The following PTPRD variants were observed in gnomAD, a reference collection of about 807,000 sequenced individuals.
PTPRD encodes receptor-type tyrosine-protein phosphatase delta.
Under a neutral mutation model 214.5 loss-of-function variants are expected in PTPRD, and 34 were observed. That is an observed-to-expected ratio of 0.16 (90% CI 0.12 to 0.21). PTPRD has a LOEUF of 0.21. Among genes scored for constraint, PTPRD ranks in the 10% least tolerant of loss-of-function variants. The probability of loss-of-function intolerance (pLI) is 1.00; values close to 1 mark genes in which losing one functional copy is unlikely to be tolerated. For synonymous variants in PTPRD, 1,128 were observed against 845.7 expected (o/e 1.33, Z -5.79); for missense variants, 2,545 against 2,398.7 (o/e 1.06, Z -1.27).
chr9:10,277,993 T>A (rs192556080), intron 3 of PTPRD, among the ~76,000 whole-genome samples: 2 of 152,084 alleles, frequency 1.3e-5, no homozygotes, highest in Non-Finnish European at 2.9e-5. Context: ...ACCCTGTCTC[T>A]ACTAAAAATA....
chr9:8,713,602 C>T (rs1329908329), intron 12 of PTPRD: 2 of 1,528,200 alleles, frequency 1.3e-6, no homozygotes, highest in Admixed American at 1.7e-5. Flanking sequence ...CCGGGAATAC[C>T]GGGACCTGAC....
intron 8 of PTPRD, among the ~76,000 whole-genome samples, chr9:9,565,940 A>AT (rs1376971180): frequency 2.0e-5 from 3 of 151,894 alleles, no homozygotes; most frequent in Admixed American, 6.6e-5. Flanking sequence ...CTATAATTTC[A>AT]TTTTTTTACT....
chr9:8,694,340 A>G (rs1430295301), intron 12 of PTPRD, among the ~76,000 whole-genome samples: 1 of 152,122 alleles, frequency 6.6e-6, no homozygotes, highest in Non-Finnish European at 1.5e-5. Flanking sequence ...GAATCCATAG[A>G]GGTATCCAAT....
intron 2 of PTPRD, among the ~76,000 whole-genome samples, chr9:10,434,618 CAG>C (rs1445677804): frequency 6.6e-6 from 1 of 151,826 alleles, no homozygotes; most frequent in Non-Finnish European, 1.5e-5. Flanking sequence ...TAAAGGCTAA[CAG>C]AGTCACAACA....
At chr9:10,603,500 G>C (rs1272491911) in intron 2 of PTPRD, among the ~76,000 whole-genome samples, 2 of 151,786 alleles carry the variant, frequency 1.3e-5, no homozygotes, top group East Asian at 3.9e-4. Flanking sequence ...GATAACTGTA[G>C]CATTTACCTT....
intron 5 of PTPRD, among the ~76,000 whole-genome samples, chr9:9,877,379 C>A (rs1005800757): frequency 2.6e-5 from 4 of 152,062 alleles, no homozygotes; most frequent in African/African-American, 9.7e-5. Flanking sequence ...GCAAAGACTT[C>A]AAGCCACTTT....
chr9:8,705,315 G>T (rs957867460), intron 12 of PTPRD, among the ~76,000 whole-genome samples: 52 of 152,268 alleles, frequency 3.4e-4, no homozygotes, highest in African/African-American at 1.2e-3. Flanking sequence ...CCGCCTCTGG[G>T]ATTCTGTGAT....
chr9:10,433,221 T>C (rs746304469), intron 2 of PTPRD, among the ~76,000 whole-genome samples: 21 of 152,068 alleles, frequency 1.4e-4, no homozygotes, highest in Non-Finnish European at 2.6e-4. Flanking sequence ...CTTTTATCTA[T>C]TTCTGTAAAT....
At chr9:10,184,557 G>A (rs183281224) in intron 3 of PTPRD, among the ~76,000 whole-genome samples, 1 of 152,322 alleles carries the variant, frequency 6.6e-6, no homozygotes, top group African/African-American at 2.4e-5. Flanking sequence ...TATAGTATGT[G>A]TTTGGTAAAC....
At chr9:9,505,860 G>T (rs982284655) in intron 8 of PTPRD, among the ~76,000 whole-genome samples, 6 of 150,956 alleles carry the variant, frequency 4.0e-5, no homozygotes, top group Non-Finnish European at 5.9e-5. Flanking sequence ...TTCTAACATG[G>T]GACATTACAA....
At chr9:10,530,719 T>C (rs537325746) in intron 2 of PTPRD, among the ~76,000 whole-genome samples, 1 of 152,202 alleles carries the variant, frequency 6.6e-6, no homozygotes, top group South Asian at 2.1e-4. Flanking sequence ...TTAGGAAATC[T>C]GACAATCAAA....
Position 9,845,114 on chromosome 9 carries a change from ATTGCTC to A in PTPRD, c.-367-78269_-367-78264del, listed in dbSNP as rs1251722568. Among the ~76,000 whole-genome samples the A allele has an allele frequency of 1.0e-3, 92 of 89,502 alleles. 5 individuals carry two copies. The highest frequency in any genetic ancestry group is 3.3e-3 in the East Asian group (2 of 598). 58.7% of individuals were successfully genotyped at this position (89,502 alleles called of 152,430 possible). A position where few individuals can be genotyped will look rare whatever the true frequency, so the allele number is the denominator to read the frequency against. On this transcript the variant is annotated intron_variant, in intron 5 of 45. Transcript: ENST00000381196. The stretch of plus-strand genomic sequence containing the variant: ...TAGCTATATATATACTGCTATATAT[ATTGCTC>A]TATATATAGAGCAATATATATATAT...
intron 7 of PTPRD, among the ~76,000 whole-genome samples, chr9:9,602,415 G>C (rs1014600834): frequency 5.9e-5 from 9 of 151,852 alleles, no homozygotes; most frequent in Admixed American, 5.9e-4. Context: ...TTTCTACAAT[G>C]TGTTAAGTAC....
intron 3 of PTPRD, among the ~76,000 whole-genome samples, chr9:10,119,990 C>T (rs1052171722): frequency 2.0e-5 from 3 of 151,976 alleles, no homozygotes; most frequent in Non-Finnish European, 4.4e-5. Flanking sequence ...GTACAAGCTA[C>T]ATAAATTGGA....
chr9:8,885,410 G>A (rs907021092), intron 11 of PTPRD, among the ~76,000 whole-genome samples: 1 of 150,344 alleles, frequency 6.7e-6, no homozygotes, highest in Non-Finnish European at 1.5e-5. Flanking sequence ...AATGCCACAA[G>A]TAAAGGACAG....
At chr9:9,886,595 C>G (rs1444736699) in intron 5 of PTPRD, among the ~76,000 whole-genome samples, 5 of 152,118 alleles carry the variant, frequency 3.3e-5, no homozygotes, top group East Asian at 3.9e-4. Flanking sequence ...ACAATGTGAT[C>G]TTGACAGTTC....
At chr9:8,697,648 C>G (rs1385212430) in intron 12 of PTPRD, among the ~76,000 whole-genome samples, 1 of 140,700 alleles carries the variant, frequency 7.1e-6, no homozygotes, top group African/African-American at 2.8e-5. Flanking sequence ...GTCTCGAACT[C>G]CTGACCTCAA....
At chr9:10,222,666 T>A (rs2099575168) in intron 3 of PTPRD, among the ~76,000 whole-genome samples, 2 of 152,070 alleles carry the variant, frequency 1.3e-5, no homozygotes, top group Admixed American at 1.3e-4. Context: ...CTCATAGAGG[T>A]AAACCATCAG....
intron 5 of PTPRD, among the ~76,000 whole-genome samples, chr9:9,774,922 AG>A (rs1266866428): frequency 1.3e-5 from 2 of 152,258 alleles, no homozygotes; most frequent in African/African-American, 4.8e-5. Context: ...CTACAGCAAC[AG>A]AAAACAAAGT....
Sources: allele counts gnomAD v4.1 joint callset (sites outside exome capture counted in the v4.1 genomes callset), GRCh38; gene constraint gnomAD v4.1.1; transcripts MANE v1.5; gene names NCBI Gene and HGNC (gene_info 2026-07-23, HGNC 2026-07-21).